Variants in JAM3 observed in about 807,000 individuals in gnomAD.
JAM3 encodes the protein junctional adhesion molecule C.
A neutral mutation model predicts 39.4 loss-of-function variants in JAM3; 31 were observed. The ratio of observed to expected loss-of-function variants is 0.79; its 90% CI spans 0.59 to 1.06. The LOEUF is 1.06. JAM3 is among the 50% of genes least tolerant of loss of function. The probability of loss-of-function intolerance (pLI) is 0.00; values close to 1 mark genes in which losing one functional copy is unlikely to be tolerated. For synonymous variants in JAM3, 182 were observed against 148.7 expected, an observed-to-expected ratio of 1.22 and a Z score of -1.63; for missense variants, 455 against 391.4, an observed-to-expected ratio of 1.16 and a Z score of -1.37.
intron 6 of JAM3, 94 bp from the exon 7 acceptor site, chr11:134,148,453 T>C (rs1000690502): frequency 1.5e-5 from 24 of 1,563,048 alleles, no homozygotes; most frequent in Non-Finnish European, 1.9e-5. Flanking sequence ...GGCAAGTGGG[T>C]TTGGGGTGAA....
At chr11:134,113,889 C>G (rs1942368887) in intron 1 of JAM3, among the ~76,000 whole-genome samples, 1 of 152,230 alleles carries the variant, frequency 6.6e-6, no homozygotes, top group African/African-American at 2.4e-5. Flanking sequence ...GCAATTCTAA[C>G]TGGTGTGAGA....
Position 134,123,771 on chromosome 11 carries a change from C to G in JAM3, c.77-16080C>G, listed in dbSNP as rs926120837. ...ATTCCAGATTCACATTTCCAGGTAC[C>G]AAGGGTTCCCTCTAAATGCCACAAT... On this transcript the variant is annotated intron_variant, in intron 1 of 8. Coordinates refer to ENST00000299106, the MANE Select transcript of JAM3 (RefSeq NM_032801.5). The G allele has an allele frequency of 1.2e-5, 8 of 683,146 alleles. No homozygotes were observed. The East Asian group carries it at 1.6e-4, about 13-fold the overall frequency. The allele number at this position is 683,146 out of a possible 1,614,324, so 42.3% of individuals were successfully genotyped here.
chr11:134,145,030 C>G (rs750752595), intron 5 of JAM3, 36 bp downstream of exon 5: 2 of 1,509,338 alleles, frequency 1.3e-6, no homozygotes, highest in Admixed American at 3.3e-5. Context: ...ATGGAGATGT[C>G]TTTGTTGGGG....
chr11:134,084,371 T>G (rs1941713030), intron 1 of JAM3, among the ~76,000 whole-genome samples: 1 of 152,230 alleles, frequency 6.6e-6, no homozygotes, highest in Non-Finnish European at 1.5e-5. Flanking sequence ...ATTGTTGAAG[T>G]CAATTTCCTT....
intron 1 of JAM3, among the ~76,000 whole-genome samples, chr11:134,112,048 A>T (rs921403427): frequency 1.1e-4 from 17 of 152,216 alleles, no homozygotes; most frequent in African/African-American, 3.1e-4. Flanking sequence ...CTATGTGAAA[A>T]CTGCCCATCT....
At chr11:134,147,027 G>A (rs568577973) in intron 6 of JAM3, among the ~76,000 whole-genome samples, 14 of 152,314 alleles carry the variant, frequency 9.2e-5, no homozygotes, top group Non-Finnish European at 1.5e-4. Context: ...TGAGACAAGC[G>A]TTCCGAAGGA....
intron 1 of JAM3, among the ~76,000 whole-genome samples, chr11:134,083,575 C>G (rs183098569): frequency 6.6e-6 from 1 of 152,168 alleles, no homozygotes; most frequent in African/African-American, 2.4e-5. Flanking sequence ...TTGTCAAGTA[C>G]ATTTCCTACA....
At chr11:134,145,690 T>C (rs1943058560) in intron 5 of JAM3, among the ~76,000 whole-genome samples, 1 of 152,170 alleles carries the variant, frequency 6.6e-6, no homozygotes, top group South Asian at 2.1e-4. Flanking sequence ...AAGAGCCCTT[T>C]TACCAGAATA....
At chr11:134,145,370 G>T in intron 5 of JAM3, 4 of 371,556 alleles carry the variant, frequency 1.1e-5, no homozygotes, top group South Asian at 6.9e-5. Context: ...AAGGTATTGT[G>T]GTTACGATTT....
At chr11:134,108,754 A>T (rs59817024) in intron 1 of JAM3, among the ~76,000 whole-genome samples, 9 of 152,174 alleles carry the variant, frequency 5.9e-5, no homozygotes, top group East Asian at 5.8e-4. Context: ...CATTTATGAT[A>T]AAAAAAACTT....
intron 1 of JAM3, among the ~76,000 whole-genome samples, chr11:134,097,361 T>C (rs1218854360): frequency 6.6e-6 from 1 of 152,222 alleles, no homozygotes; most frequent in African/African-American, 2.4e-5. Flanking sequence ...GCCTACAGAT[T>C]AATCCCAGCT....
At chr11:134,107,333 G>C (rs1267599226) in intron 1 of JAM3, among the ~76,000 whole-genome samples, 1 of 152,068 alleles carries the variant, frequency 6.6e-6, no homozygotes, top group Admixed American at 6.6e-5. Flanking sequence ...GACCTGTTGT[G>C]GGGTTGGGAG....
At position 134,151,935 on chromosome 11, in the gene JAM3, C is replaced by G. The variant is rs1377256608; in HGVS notation, c.*2754C>G. The stretch of plus-strand genomic sequence containing the variant: ...GTGCTGCGCCTCTCCGCCACCGAGC[C>G]CACCTGTGTTGCGGTTCCCACTTGG... On this transcript the variant is annotated 3_prime_UTR_variant, in exon 9 of 9. Coordinates refer to ENST00000299106, the MANE Select transcript of JAM3 (RefSeq NM_032801.5). 1 of 152,180 alleles carries G rather than the reference C, an allele frequency of 6.6e-6. No individual in the cohort carries two copies. Among genetic ancestry groups the G allele is most frequent in the Admixed American group, 6.5e-5 (1 of 15,284 alleles). The allele number at this position is 152,180 out of a possible 1,614,324, so 9.4% of individuals were successfully genotyped here.
At chr11:134,087,253 AAGT>A (rs1048910352) in intron 1 of JAM3, among the ~76,000 whole-genome samples, 77 of 152,302 alleles carry the variant, frequency 5.1e-4, no homozygotes, top group African/African-American at 1.6e-3. Flanking sequence ...TATTAGGAAA[AAGT>A]AGGGAAGAGT....
chr11:134,121,382 GC>G (rs1942529278), intron 1 of JAM3, among the ~76,000 whole-genome samples: 1 of 151,948 alleles, frequency 6.6e-6, no homozygotes, highest in African/African-American at 2.4e-5. Context: ...AATCTGAGGA[GC>G]CGTGTGAGCT....
rs1217709795 is a variant in JAM3 at position 134,144,317 on chromosome 11, C to T, written c.333C>T (p.Ala111=). ...KIWNVTRRDS[A]LYRCEVVARN... is the part of the protein sequence containing the mutation. ...GGAATGTGACACGGAGAGACTCAGCCCTTTATCGCTGTGAGGTCGTTGCTC... is the reference window on the plus strand; with the variant it reads ...GGAATGTGACACGGAGAGACTCAGCTCTTTATCGCTGTGAGGTCGTTGCTC... The change falls in exon 4 of 9, where the codon GCC becomes GCT. Residue 111 remains alanine, a synonymous_variant. Transcript: ENST00000299106. 1 of 1,614,124 alleles carries T rather than the reference C, an allele frequency of 6.2e-7. No individual in the cohort carries two copies. Among genetic ancestry groups the T allele is most frequent in the East Asian group, 2.2e-5 (1 of 44,882 alleles).
At chr11:134,144,419 A>G (rs1178611536) in intron 4 of JAM3, 26 bp downstream of exon 4, 1 of 1,613,110 alleles carries the variant, frequency 6.2e-7, no homozygotes, top group African/African-American at 1.3e-5. Flanking sequence ...AAGGTGAGAC[A>G]TTGCCACCAT....
chr11:134,128,063 A>G (rs1231086643), intron 1 of JAM3, among the ~76,000 whole-genome samples: 1 of 152,086 alleles, frequency 6.6e-6, no homozygotes, highest in Admixed American at 6.5e-5. Context: ...GGTGTTGCTT[A>G]CAGTTTAAAA....
At chr11:134,098,171 C>T (rs899266901) in intron 1 of JAM3, among the ~76,000 whole-genome samples, 2 of 152,138 alleles carry the variant, frequency 1.3e-5, no homozygotes, top group African/African-American at 4.8e-5. Context: ...GGAAGAAGAG[C>T]TAGCCATTCC....
Sources: gnomAD v4.1 joint callset for allele counts (sites outside exome capture counted in the v4.1 genomes callset) on GRCh38, gnomAD v4.1.1 for gene constraint, MANE v1.5 for transcripts, NCBI Gene and HGNC (gene_info 2026-07-23, HGNC 2026-07-21) for gene names.